The following TAF12 variants were observed in gnomAD, a reference collection of about 807,000 sequenced individuals.
The protein encoded by TAF12 is TATA-box binding protein associated factor 12, also known as transcription initiation factor TFIID subunit 12.
Under a neutral mutation model 20.8 loss-of-function variants are expected in TAF12, and 3 were observed. The ratio of observed to expected loss-of-function variants is 0.14; its 90% CI spans 0.07 to 0.37. The LOEUF (loss-of-function observed/expected upper bound fraction) is 0.37. Among genes scored for constraint, TAF12 ranks in the 10% least tolerant of loss-of-function variants. TAF12 has a pLI of 1.00. For missense variants in TAF12, 131 were observed against 197.9 expected, an observed-to-expected ratio of 0.66 and a Z score of 2.03; for synonymous variants, 69 against 70.2, an observed-to-expected ratio of 0.98 and a Z score of 0.09.
In TAF12 at chr1:28,640,127, G is replaced by C. The variant is rs4252966; in HGVS notation, c.-85+2865C>G. 3.0e-4 allele frequency among the ~76,000 whole-genome samples: 45 copies of C among 152,298 alleles called. No individual in the cohort carries two copies. The South Asian group carries it at 8.5e-3, about 29-fold the overall frequency. The stretch of plus-strand genomic sequence containing the variant: ...CAAAGTGCTGGGATTACAGGTGTGA[G>C]CCATCATGCCCAGTCCAAATTAGTC... On this transcript the variant is annotated intron_variant, in intron 1 of 5. Coordinates refer to ENST00000373824, the MANE Select transcript of TAF12 (RefSeq NM_005644.4).
At chr1:28,613,383 G>A (rs745759574) in intron 3 of TAF12, 22 bp from the exon 4 acceptor site, 1 of 1,589,984 alleles carries the variant, frequency 6.3e-7, no homozygotes, top group South Asian at 1.1e-5. Flanking sequence ...AAAGTGGGAA[G>A]AGTCAGCACG....
In TAF12 at chr1:28,624,695, C is replaced by T. The variant is rs1181750469; in HGVS notation, c.-84-2530G>A. On this transcript the variant is annotated intron_variant, in intron 1 of 5. Coordinates refer to ENST00000373824, the MANE Select transcript of TAF12 (RefSeq NM_005644.4). ...TCAGGAGGCAGAGGTTGCAGTGAGC[C>T]GAGATCAGGCCACTGCACTCCAGCC... 2.6e-5 allele frequency among the ~76,000 whole-genome samples: 4 copies of T among 151,558 alleles called. 1 individual carries two copies. Among genetic ancestry groups the T allele is most frequent in the South Asian group, 4.2e-4 (2 of 4,790 alleles).
At chr1:28,645,967 GAA>G (rs35962385), upstream of TAF12, 67 of 142,490 alleles carry the variant, frequency 4.7e-4, no homozygotes, top group South Asian at 1.1e-3. Context: ...GACTGTCTGG[GAA>G]AAAAAAAAAA....
At chr1:28,638,948 G>A (rs539263491) in intron 1 of TAF12, among the ~76,000 whole-genome samples, 30 of 150,990 alleles carry the variant, frequency 2.0e-4, no homozygotes, top group Admixed American at 4.0e-4. Flanking sequence ...CCCGTGCCCA[G>A]CTAATTTTTT....
upstream of TAF12, among the ~76,000 whole-genome samples, chr1:28,645,066 C>A (rs1287490954): frequency 6.6e-6 from 1 of 151,240 alleles, no homozygotes; most frequent in African/African-American, 2.4e-5. Flanking sequence ...GACGGAGTCT[C>A]GCTGTTTCAC....
Position 28,642,343 on chromosome 1 carries a change from T to C in TAF12, c.-85+649A>G, listed in dbSNP as rs142649872. ...GGATCACTAAATCTTTTCCAAACCC[T>C]TTCCCTTTACTTTGTAGGCTGATCT... is the stretch of plus-strand genomic sequence containing the variant. On this transcript the variant is annotated intron_variant, in intron 1 of 5. Coordinates refer to ENST00000373824, the MANE Select transcript of TAF12 (RefSeq NM_005644.4). 8.1e-4 allele frequency among the ~76,000 whole-genome samples: 123 copies of C among 152,276 alleles called. 1 individual carries two copies. Among genetic ancestry groups the C allele is most frequent in the African/African-American group, 7.5e-4 (31 of 41,554 alleles).
rs548123866 is a variant in TAF12, at chr1:28,631,659, G to A, written c.-84-9494C>T. 2.6e-5 allele frequency among the ~76,000 whole-genome samples: 4 copies of A among 152,204 alleles called. No homozygotes were observed. The East Asian group carries it at 7.7e-4, about 29-fold the overall frequency. ...AGGCTAGGTAACATAATGAGACCCT[G>A]GCTCTTTATTTATTTATTTTAAAGG... On this transcript the variant is annotated intron_variant, in intron 1 of 5. Transcript: ENST00000373824.
intron 3 of TAF12, among the ~76,000 whole-genome samples, chr1:28,617,652 T>C (rs1261474324): frequency 6.6e-6 from 1 of 151,944 alleles, no homozygotes; most frequent in East Asian, 1.9e-4. Context: ...GGGGTTTCAC[T>C]GTGTTAGCCA....
At chr1:28,612,812 A>C (rs1342110409) in intron 4 of TAF12, among the ~76,000 whole-genome samples, 1 of 152,128 alleles carries the variant, frequency 6.6e-6, no homozygotes. Context: ...TAAAACTCTA[A>C]GGGAACACTG....
intron 2 of TAF12, 131 bp downstream of exon 2, chr1:28,621,783 C>A: frequency 1.4e-6 from 2 of 1,386,232 alleles, no homozygotes; most frequent in African/African-American, 1.5e-5. Context: ...AGTTAGAAAT[C>A]CAAAAGAGGG....
chr1:28,603,447 AT>A lies in TAF12; in HGVS notation c.*91del. 4 of 1,345,024 alleles carry A rather than the reference AT, an allele frequency of 3.0e-6. No homozygotes were observed. The highest frequency in any genetic ancestry group is 3.2e-6 in the Non-Finnish European group (3 of 942,668). The allele number at this position is 1,345,024 out of a possible 1,614,324, so 83.3% of individuals were successfully genotyped here. ...AAAAATATATGCTTCTCTGTAAAGCATTAAAAAAAAAAATCCAAGGATGAGA... is the reference window on the plus strand; with the variant it reads ...AAAAATATATGCTTCTCTGTAAAGCATAAAAAAAAAAATCCAAGGATGAGA... On this transcript the variant is annotated 3_prime_UTR_variant, in exon 6 of 6. Transcript: ENST00000373824.
At chr1:28,647,653 C>G (rs1183686213), upstream of TAF12, among the ~76,000 whole-genome samples, 3 of 152,150 alleles carry the variant, frequency 2.0e-5, no homozygotes, top group Non-Finnish European at 4.4e-5. Context: ...GCGGGCGGAT[C>G]ACAAAGTCAG....
Position 28,642,589 on chromosome 1 carries a change from A to T in TAF12, c.-85+403T>A, listed in dbSNP as rs4252959. ...GCTGCCCCGTTTCTGAATCCTTAGG[A>T]GCCCGGGTCTTCACTGTCCCGCTTC... On this transcript the variant is annotated intron_variant, in intron 1 of 5. Coordinates refer to ENST00000373824, the MANE Select transcript of TAF12 (RefSeq NM_005644.4). The T allele has an allele frequency of 4.0e-3, 3,860 of 964,660 alleles. 105 individuals carry two copies. In the African/African-American group the frequency reaches 0.062, roughly 16 times the overall value. The allele number at this position is 964,660 out of a possible 1,614,324, so 59.8% of individuals were successfully genotyped here.
At chr1:28,632,264 G>GCT (rs4252981) in intron 1 of TAF12, among the ~76,000 whole-genome samples, 1,780 of 152,108 alleles carry the variant, frequency 0.012, 30 homozygotes, top group African/African-American at 0.041. Flanking sequence ...ATGGTGAAAC[G>GCT]CTCTCTACTA....
At chr1:28,648,153 A>G in intron 1 of TAF12, 3 of 985,302 alleles carry the variant, frequency 3.0e-6, no homozygotes, top group Non-Finnish European at 3.6e-6. Flanking sequence ...CAAGTTACAC[A>G]TTTTCAATTT....
At chr1:28,638,937 G>T (rs1344910560) in intron 1 of TAF12, among the ~76,000 whole-genome samples, 2 of 151,130 alleles carry the variant, frequency 1.3e-5, no homozygotes, top group East Asian at 2.0e-4. Flanking sequence ...GACTATAGGC[G>T]CCCGTGCCCA....
At chr1:28,619,573 C>T (rs1043474312) in intron 2 of TAF12, among the ~76,000 whole-genome samples, 3 of 148,514 alleles carry the variant, frequency 2.0e-5, no homozygotes, top group Non-Finnish European at 3.0e-5. Flanking sequence ...TTGACCTCCT[C>T]AGTGCCCATT....
In TAF12 at chr1:28,622,035, G is replaced by A; in HGVS notation, c.47C>T (p.Ser16Leu). The A allele has an allele frequency of 6.2e-7, 1 of 1,614,032 alleles. No homozygotes were observed. The highest frequency in any genetic ancestry group is 8.5e-7 in the Non-Finnish European group (1 of 1,180,014). ...GCTGGCTGGTTCCGGTTTTATGGAT[G>A]AGAAATTGGAGAGGTTGATTAGGGC... The part of the protein sequence containing the change: ...PSALINLSNF[S>L]SIKPEPASTP... Residue 16 changes from serine to leucine, a missense_variant, in exon 2 of 6, where the codon TCA (serine) becomes TTA (leucine). Ser to Leu is a moderately radical substitution (Grantham distance 145). This residue lies in a region of TAF12 where 63 missense variants were observed against 72.1 expected (regional missense o/e 0.87). Coordinates refer to ENST00000373824, the MANE Select transcript of TAF12 (RefSeq NM_005644.4).
Position 28,633,879 on chromosome 1 carries a change from T to G in TAF12, c.-85+9113A>C, listed in dbSNP as rs1427164938. 3.8e-5 allele frequency among the ~76,000 whole-genome samples: 5 copies of G among 131,270 alleles called. No individual in the cohort carries two copies. In the South Asian group the frequency reaches 1.2e-3, roughly 32 times the overall value. The allele number at this position is 131,270 out of a possible 152,430, so 86.1% of individuals were successfully genotyped here. ...GTGAGCCGAGATTGTGCCATCGCAC[T>G]CCAGCCTGGGCAATGAAAGCGAAAC... On this transcript the variant is annotated intron_variant, in intron 1 of 5. Transcript: ENST00000373824.
Sources: gnomAD v4.1 joint callset for allele counts (sites outside exome capture counted in the v4.1 genomes callset) on GRCh38, gnomAD v4.1.1 for gene constraint, gnomAD v4.1.1 regional missense constraint, MANE v1.5 for transcripts, NCBI Gene and HGNC (gene_info 2026-07-23, HGNC 2026-07-21) for gene names.